The following BLTP1 variants were observed in gnomAD, a reference collection of about 807,000 sequenced individuals.
The protein encoded by BLTP1 is fragile site-associated protein.
At chr4:122,258,604 A>C in the BLTP1 span, 33 of 1,410,146 alleles carry the variant, frequency 2.3e-5, no homozygotes, top group Non-Finnish European at 3.0e-5. Context: ...AGGAATATGA[A>C]AGTTGAGTGT....
the BLTP1 span, chr4:122,289,289 A>G: frequency 3.3e-6 from 3 of 907,052 alleles, no homozygotes; most frequent in East Asian, 2.9e-5. Flanking sequence ...TTGATCCAGC[A>G]TTTGGATATA....
the BLTP1 span, chr4:122,202,698 C>G: frequency 5.9e-6 from 1 of 169,970 alleles, no homozygotes; most frequent in South Asian, 2.0e-4. Flanking sequence ...CTAAGAATAG[C>G]TGCAGTAGAC....
chr4:122,202,942 A>T, the BLTP1 span, among the ~76,000 whole-genome samples: 6 of 152,000 alleles, frequency 3.9e-5, no homozygotes, highest in Non-Finnish European at 8.8e-5. Flanking sequence ...ATAGATACAA[A>T]AGTAAACATA....
the BLTP1 span, chr4:122,305,112 T>C: frequency 3.1e-6 from 4 of 1,282,016 alleles, no homozygotes; most frequent in Admixed American, 6.9e-5. Flanking sequence ...TTTCTGATTA[T>C]AAATTCAGTG....
the BLTP1 span, chr4:122,331,758 T>A: frequency 1.0e-6 from 1 of 978,584 alleles, no homozygotes; most frequent in Non-Finnish European, 1.2e-6. Flanking sequence ...CTGACTTAGA[T>A]TTTTGCAAGT....
chr4:122,209,774 G>A, the BLTP1 span: 1 of 1,596,270 alleles, frequency 6.3e-7, no homozygotes, highest in Non-Finnish European at 8.5e-7. Context: ...TACAATTAAA[G>A]GAATGAGTAT....
chr4:122,325,965 C>A, the BLTP1 span: 2 of 488,108 alleles, frequency 4.1e-6, no homozygotes, highest in Non-Finnish European at 6.9e-6. Flanking sequence ...TAATCAACCA[C>A]ACTGAAAATC....
At chr4:122,285,933 G>C in the BLTP1 span, among the ~76,000 whole-genome samples, 1 of 152,122 alleles carries the variant, frequency 6.6e-6, no homozygotes, top group African/African-American at 2.4e-5. Flanking sequence ...TTATGTGCTA[G>C]ATTATTGATT....
chr4:122,314,081 T>C, the BLTP1 span: 2 of 977,812 alleles, frequency 2.0e-6, no homozygotes, highest in African/African-American at 1.8e-5. Context: ...TATTTTCAAA[T>C]ATGGGAGAAT....
chr4:122,360,707 T>C, the BLTP1 span, among the ~76,000 whole-genome samples: 1 of 152,314 alleles, frequency 6.6e-6, no homozygotes, highest in Middle Eastern at 3.4e-3. Context: ...CAAAACACTT[T>C]GGTACTAATA....
At chr4:122,239,898 A>G in the BLTP1 span, 30 of 1,613,888 alleles carry the variant, frequency 1.9e-5, no homozygotes, top group East Asian at 4.5e-5. Flanking sequence ...GCCCATTAGC[A>G]GTGATGAAGG....
the BLTP1 span, chr4:122,333,916 G>C: frequency 7.3e-7 from 1 of 1,362,396 alleles, no homozygotes; most frequent in South Asian, 1.5e-5. Context: ...GAGACTTAGT[G>C]ACTTCTTTGT....
chr4:122,207,404 A>T, the BLTP1 span: 1 of 1,420,316 alleles, frequency 7.0e-7, no homozygotes, highest in Non-Finnish European at 9.3e-7. Flanking sequence ...CTCTCAGAAG[A>T]CTGTTTCAGA....
chr4:122,255,139 T>C, the BLTP1 span: 1 of 1,602,964 alleles, frequency 6.2e-7, no homozygotes, highest in Non-Finnish European at 8.5e-7. Flanking sequence ...AGAATAAAAG[T>C]GTACATTTTC....
At chr4:122,243,277 A>G in the BLTP1 span, 1 of 527,190 alleles carries the variant, frequency 1.9e-6, no homozygotes, top group Non-Finnish European at 2.4e-6. Flanking sequence ...AACTTGGCAT[A>G]TCAAAATTGC....
the BLTP1 span, chr4:122,189,994 T>TTA: frequency 1.9e-5 from 30 of 1,602,596 alleles, no homozygotes; most frequent in African/African-American, 3.8e-4. Flanking sequence ...CTCCACCTTC[T>TTA]TATAGACCAC....
the BLTP1 span, chr4:122,291,860 C>G: frequency 1.0e-6 from 1 of 973,806 alleles, no homozygotes; most frequent in African/African-American, 1.8e-5. Flanking sequence ...TGAGCTTTTG[C>G]TTTTAAATTT....
At chr4:122,325,047 T>A in the BLTP1 span, 1 of 208,478 alleles carries the variant, frequency 4.8e-6, no homozygotes, top group East Asian at 1.8e-4. Context: ...TTTAGAAAAA[T>A]CTTGAGTTAA....
At chr4:122,339,195 T>C in the BLTP1 span, 16 of 1,610,034 alleles carry the variant, frequency 9.9e-6, no homozygotes, top group Non-Finnish European at 1.4e-5. Flanking sequence ...TTTTGCTGTC[T>C]GTTATTTTTA....
Sources: gnomAD v4.1 joint callset for allele counts (sites outside exome capture counted in the v4.1 genomes callset) on GRCh38, gnomAD v4.1.1 for gene constraint, MANE v1.5 for transcripts, NCBI Gene and HGNC (gene_info 2026-07-23, HGNC 2026-07-21) for gene names.